GABRG3: variants seen among roughly 807,000 people sequenced by gnomAD.
GABRG3 encodes gamma-aminobutyric acid receptor subunit gamma-3.
Under a neutral mutation model 48.8 loss-of-function variants are expected in GABRG3, and 25 were observed. The observed-to-expected ratio is 0.51, with a 90% CI of 0.37 to 0.72. The LOEUF is 0.72. Among genes scored for constraint, GABRG3 ranks in the 30% least tolerant of loss-of-function variants. GABRG3 has a pLI of 0.00. For synonymous variants in GABRG3, 227 were observed against 217.6 expected (o/e 1.04, Z -0.38); for missense variants, 394 against 577.9 (o/e 0.68, Z 3.26).
intron 3 of GABRG3, among the ~76,000 whole-genome samples, chr15:27,071,540 A>G (rs1386877740): frequency 6.6e-6 from 1 of 152,154 alleles, no homozygotes; most frequent in African/African-American, 2.4e-5. Context: ...GCCTTTCAGT[A>G]CCGTGTCCAT....
chr15:27,217,510 T>G (rs531296572), intron 3 of GABRG3, among the ~76,000 whole-genome samples: 1 of 152,332 alleles, frequency 6.6e-6, no homozygotes, highest in East Asian at 1.9e-4. Context: ...TCCATTTTTA[T>G]TGTCCTGTGG....
intron 5 of GABRG3, among the ~76,000 whole-genome samples, chr15:27,443,421 A>C (rs1888849569): frequency 6.6e-6 from 1 of 152,238 alleles, no homozygotes; most frequent in Non-Finnish European, 1.5e-5. Flanking sequence ...CATTCTGTTA[A>C]AATTATCCAT....
At chr15:27,213,015 T>G (rs1313271892) in intron 3 of GABRG3, among the ~76,000 whole-genome samples, 1 of 152,218 alleles carries the variant, frequency 6.6e-6, no homozygotes. Flanking sequence ...CATTCATACT[T>G]TAACAATTCC....
chr15:27,090,060 A>G (rs974173876), intron 3 of GABRG3, among the ~76,000 whole-genome samples: 1 of 152,300 alleles, frequency 6.6e-6, no homozygotes, highest in African/African-American at 2.4e-5. Flanking sequence ...TTGTGTATAG[A>G]CAGGTAGTCC....
Position 27,352,680 on chromosome 15 carries a change from G to A in GABRG3, c.574+23792G>A, listed in dbSNP as rs1284491254. Among the ~76,000 whole-genome samples, 3 of 152,128 alleles carry A rather than the reference G, an allele frequency of 2.0e-5. No homozygotes were observed. Among genetic ancestry groups the A allele is most frequent in the Non-Finnish European group, 4.4e-5 (3 of 68,030 alleles). ...CAGCAGCCACATACCAAACCGTTGG[G>A]TGATATCGGTCTTGGTTATTGGTCC... On this transcript the variant is annotated intron_variant, in intron 5 of 9. Coordinates refer to ENST00000615808, the MANE Select transcript of GABRG3 (RefSeq NM_033223.5). This position sits in a 1 kb window ranked among gnomAD's most constrained non-coding sequence, Gnocchi z 4.0.
At chr15:27,011,847 CA>C (rs10605771) in intron 2 of GABRG3, among the ~76,000 whole-genome samples, 60,349 of 123,326 alleles carry the variant, frequency 0.49, 12,900 homozygotes, top group Middle Eastern at 0.64. Context: ...GACTCCGTCT[CA>C]AAAAAAAAAA....
At chr15:27,012,470 T>C (rs2140667913) in intron 2 of GABRG3, among the ~76,000 whole-genome samples, 1 of 152,334 alleles carries the variant, frequency 6.6e-6, no homozygotes, top group Non-Finnish European at 1.5e-5. Context: ...TGGGAAATTC[T>C]TGACTATAAT....
At chr15:27,108,363 T>C (rs906607699) in intron 3 of GABRG3, among the ~76,000 whole-genome samples, 32 of 152,240 alleles carry the variant, frequency 2.1e-4, no homozygotes, top group African/African-American at 7.2e-4. Flanking sequence ...CAGCTACCTA[T>C]TAGTCATTGA....
intron 3 of GABRG3, among the ~76,000 whole-genome samples, chr15:27,204,800 C>A (rs1303317712): frequency 1.3e-5 from 2 of 151,824 alleles, no homozygotes; most frequent in Non-Finnish European, 2.9e-5. Flanking sequence ...TTTTTGTGGC[C>A]ATTGTGAGTG....
intron 3 of GABRG3, among the ~76,000 whole-genome samples, chr15:27,269,914 A>T (rs1178574807): frequency 6.6e-6 from 1 of 152,188 alleles, no homozygotes; most frequent in African/African-American, 2.4e-5. Flanking sequence ...AATCTTGGGA[A>T]ATATTTTACT....
At chr15:27,049,804 G>A (rs888040499) in intron 3 of GABRG3, among the ~76,000 whole-genome samples, 1 of 152,212 alleles carries the variant, frequency 6.6e-6, no homozygotes, top group Non-Finnish European at 1.5e-5. Flanking sequence ...GAAGAGCAGG[G>A]CTCTGGGAGG....
intron 3 of GABRG3, among the ~76,000 whole-genome samples, chr15:27,241,486 A>G (rs1160770364): frequency 1.3e-5 from 2 of 152,208 alleles, no homozygotes; most frequent in South Asian, 2.1e-4. Context: ...GAAGTATGCT[A>G]TTTGTGTGGT....
intron 3 of GABRG3, among the ~76,000 whole-genome samples, chr15:27,090,495 G>A (rs1206047906): frequency 6.6e-6 from 1 of 152,152 alleles, no homozygotes; most frequent in Non-Finnish European, 1.5e-5. Flanking sequence ...CCGTTTTACA[G>A]TTCCACCAAC....
chr15:27,081,236 G>C (rs1896988083), intron 3 of GABRG3, among the ~76,000 whole-genome samples: 1 of 152,024 alleles, frequency 6.6e-6, no homozygotes, highest in Non-Finnish European at 1.5e-5. Context: ...TAGAAAGCTG[G>C]GGCCCAGAGG....
chr15:27,205,415 G>T (rs1404131215), intron 3 of GABRG3, among the ~76,000 whole-genome samples: 1 of 152,032 alleles, frequency 6.6e-6, no homozygotes, highest in African/African-American at 2.4e-5. Context: ...ATACTTGATT[G>T]TAGAGGATTA....
intron 3 of GABRG3, among the ~76,000 whole-genome samples, chr15:27,294,654 G>A (rs1166546511): frequency 6.6e-6 from 1 of 152,122 alleles, no homozygotes; most frequent in Non-Finnish European, 1.5e-5. Flanking sequence ...AGATTCTCAG[G>A]CTGTAGCTGG....
At chr15:27,332,644 T>G (rs1893840306) in intron 5 of GABRG3, among the ~76,000 whole-genome samples, 1 of 152,188 alleles carries the variant, frequency 6.6e-6, no homozygotes, top group Admixed American at 6.5e-5. Context: ...TGAAGCTGTA[T>G]TTTTCCACTT....
At chr15:27,215,189 G>T (rs572982223) in intron 3 of GABRG3, among the ~76,000 whole-genome samples, 1 of 152,288 alleles carries the variant, frequency 6.6e-6, no homozygotes, top group African/African-American at 2.4e-5. Flanking sequence ...TCCTTGCAGG[G>T]GGAAGTGAGA....
chr15:27,183,417 C>T (rs540335549), intron 3 of GABRG3, among the ~76,000 whole-genome samples: 3 of 152,228 alleles, frequency 2.0e-5, no homozygotes, highest in East Asian at 1.9e-4. Context: ...TGCACAGCTG[C>T]GTCGGGAGCT....
Sources: gnomAD v4.1 joint callset for allele counts (sites outside exome capture counted in the v4.1 genomes callset) on GRCh38, gnomAD v4.1.1 for gene constraint, Gnocchi (gnomAD v3.1) non-coding constraint, MANE v1.5 for transcripts, NCBI Gene and HGNC (gene_info 2026-07-23, HGNC 2026-07-21) for gene names.